Variants in DNAJA4 observed in about 807,000 individuals in gnomAD.
DNAJA4 encodes the protein DnaJ heat shock protein family (Hsp40) member A4, also known as dnaJ homolog subfamily A member 4.
In DNAJA4, 32 loss-of-function variants were observed where a neutral mutation model predicts 39.7. The ratio of observed to expected loss-of-function variants is 0.81; its 90% CI spans 0.61 to 1.08. DNAJA4 has a LOEUF of 1.08. DNAJA4 is among the 50% of genes least tolerant of loss of function. The pLI is 0.00. For missense variants in DNAJA4, 439 were observed against 505.1 expected (o/e 0.87, Z 1.25); for synonymous variants, 184 against 182.4 (o/e 1.01, Z -0.07).
At chr15:78,276,921 T>C (rs1169082322) in intron 5 of DNAJA4, among the ~76,000 whole-genome samples, 1 of 152,254 alleles carries the variant, frequency 6.6e-6, no homozygotes, top group East Asian at 1.9e-4. Flanking sequence ...CTTCCCAGCC[T>C]TGTGCTCTTT....
chr15:78,264,593 C>A lies in DNAJA4; in HGVS notation c.-171C>A. 8.7e-7 allele frequency: 1 copy of A among 1,152,642 alleles called. No homozygotes were observed. The highest frequency in any genetic ancestry group is 1.1e-6 in the Non-Finnish European group (1 of 938,218). The allele number at this position is 1,152,642 out of a possible 1,614,324, so 71.4% of individuals were successfully genotyped here. On this transcript the variant is annotated 5_prime_UTR_variant, in exon 1 of 7. Coordinates refer to ENST00000394852, the MANE Select transcript of DNAJA4 (RefSeq NM_001130182.2). ...GTGGAGCCAGGCGTGGAAGTCGGTC[C>A]GGCGCGGGGCGGGGGGCGGGCGGGA...
At chr15:78,267,185 TGTGTGTGA>T (rs1567115121) in intron 1 of DNAJA4, among the ~76,000 whole-genome samples, 1 of 102,516 alleles carries the variant, frequency 9.8e-6, no homozygotes, top group South Asian at 3.3e-4. Context: ...TGTGTGAGTG[TGTGTGTGA>T]GTGTGTATGT....
chr15:78,273,219 T>C lies in DNAJA4; in HGVS notation c.418+20T>C. ...GTGAAGGTAAAAATTAATTTTTGAC[T>C]GAACCGCACAGTTCTGATCCCTTAG... On this transcript the variant is annotated intron_variant, in intron 3 of 6. Transcript: ENST00000394852. The C allele has an allele frequency of 7.5e-7, 1 of 1,330,798 alleles. No homozygotes were observed. Among genetic ancestry groups the C allele is most frequent in the Non-Finnish European group, 1.1e-6 (1 of 921,128 alleles). The allele number at this position is 1,330,798 out of a possible 1,614,324, so 82.4% of individuals were successfully genotyped here.
Position 78,264,691 on chromosome 15 carries a change from C to A in DNAJA4, c.-73C>A. 1 of 1,225,946 alleles carries A rather than the reference C, an allele frequency of 8.2e-7. No individual in the cohort carries two copies. The highest frequency in any genetic ancestry group is 1.0e-6 in the Non-Finnish European group (1 of 963,612). The allele number at this position is 1,225,946 out of a possible 1,614,324, so 75.9% of individuals were successfully genotyped here. ...GGGCGGCGGGGGCGCGGGCCAGGGG[C>A]GCGGGCCAGGGTGCCGGCAGGGGCG... On this transcript the variant is annotated 5_prime_UTR_variant, in exon 1 of 7. Transcript: ENST00000394852.
In DNAJA4 at chr15:78,280,259, A is replaced by G; in HGVS notation, c.993A>G (p.Glu331=). 1 of 1,614,134 alleles carries G rather than the reference A, an allele frequency of 6.2e-7. No homozygotes were observed. The change falls in exon 7 of 7, where the codon GAA becomes GAG. Residue 331 remains glutamate, a synonymous_variant. Transcript: ENST00000394852. The stretch of plus-strand genomic sequence containing the variant: ...ACCCTTTACAGGTAATCTTTCCTGA[A>G]AAACACTGGCTTTCTCTGGAAAAGC... ...LIIQFLVIFP[E]KHWLSLEKLP... is the part of the protein sequence containing the mutation.
chr15:78,270,794 A>G (rs2049273448), intron 2 of DNAJA4, 117 bp downstream of exon 2: 6 of 1,153,538 alleles, frequency 5.2e-6, no homozygotes, highest in South Asian at 3.9e-5. Context: ...GCGGTGGTTC[A>G]TGTCTGTAAT....
intron 2 of DNAJA4, 150 bp from the exon 3 acceptor site, chr15:78,272,945 A>C (rs1028704435): frequency 3.1e-6 from 2 of 638,050 alleles, no homozygotes; most frequent in Middle Eastern, 4.4e-4. Flanking sequence ...GGGGTAATAG[A>C]AGCATTGCTT....
chr15:78,264,862 C>T lies in DNAJA4; in HGVS notation c.99C>T (p.Tyr33=), dbSNP rs762774878. Residue 33 remains tyrosine (Y), a synonymous_variant, in exon 1 of 7, where the codon TAC becomes TAT. Transcript: ENST00000394852. ...KKAYRKLALK[Y]HPDKNPDEGE... ...CCTATCGGAAGCTGGCGCTCAAGTACCACCCGGACAAGAACCCGGATGAGG... is the reference window on the plus strand; with the variant it reads ...CCTATCGGAAGCTGGCGCTCAAGTATCACCCGGACAAGAACCCGGATGAGG... 2.5e-6 allele frequency: 4 copies of T among 1,607,298 alleles called. No individual in the cohort carries two copies. Among genetic ancestry groups the T allele is most frequent in the Admixed American group, 3.4e-5 (2 of 59,552 alleles).
intron 5 of DNAJA4, among the ~76,000 whole-genome samples, chr15:78,278,608 TTCATAAATG>T (rs1263862335): frequency 5.9e-5 from 9 of 152,216 alleles, no homozygotes; most frequent in Non-Finnish European, 1.3e-4. Flanking sequence ...TGCAACCATC[TTCATAAATG>T]TTGTTGACTG....
At chr15:78,264,254 CGGCGGGA>C, upstream of DNAJA4, 1 of 1,178,932 alleles carries the variant, frequency 8.5e-7, no homozygotes, top group Non-Finnish European at 1.1e-6. Flanking sequence ...GGCCTCGGGG[CGGCGGGA>C]CAGTTGTCGG....
intron 1 of DNAJA4, chr15:78,265,677 A>C: frequency 1.4e-6 from 1 of 701,842 alleles, no homozygotes; most frequent in Non-Finnish European, 2.6e-6. Context: ...GACCCACCTG[A>C]ATAGGTGAAT....
At position 78,275,715 on chromosome 15, in the gene DNAJA4, T is replaced by TA; in HGVS notation, c.865dup (p.Thr289AsnfsTer6). The TA allele has an allele frequency of 6.2e-7, 1 of 1,607,766 alleles. No individual in the cohort carries two copies. The highest frequency in any genetic ancestry group is 2.2e-5 in the East Asian group (1 of 44,828). On this transcript the variant is annotated frameshift_variant, in exon 5 of 7. Transcript: ENST00000394852. LOFTEE classifies it high-confidence loss of function. ...CATTGGACAATCGAATTCTTGTTATTACATCCAAAGCAGGTAATGTTTCAA... is the reference window on the plus strand; with the variant it reads ...CATTGGACAATCGAATTCTTGTTATTAACATCCAAAGCAGGTAATGTTTCAA...
chr15:78,266,172 G>A (rs1567114572), intron 1 of DNAJA4: 9 of 1,566,466 alleles, frequency 5.7e-6, no homozygotes, highest in South Asian at 1.1e-5. Context: ...ATTGTGGTCC[G>A]CTTCTGACAG....
Position 78,264,628 on chromosome 15 carries a change from G to C in DNAJA4, c.-136G>C. 1.0e-6 allele frequency: 1 copy of C among 992,640 alleles called. No homozygotes were observed. Among genetic ancestry groups the C allele is most frequent in the Non-Finnish European group, 1.2e-6 (1 of 829,294 alleles). The allele number at this position is 992,640 out of a possible 1,614,324, so 61.5% of individuals were successfully genotyped here. On this transcript the variant is annotated 5_prime_UTR_variant, in exon 1 of 7. Coordinates refer to ENST00000394852, the MANE Select transcript of DNAJA4 (RefSeq NM_001130182.2). ...CGGGGGGCGGGCGGGAGCTACAAGC[G>C]GCGGCGGCGGCGGCGACCGTGACCG...
intron 1 of DNAJA4, 45 bp downstream of exon 1, chr15:78,264,940 G>C: frequency 1.3e-6 from 2 of 1,521,630 alleles, no homozygotes; most frequent in Middle Eastern, 3.4e-4. Context: ...GAGGGGCCAA[G>C]GGTTATTAAG....
intron 2 of DNAJA4, 23 bp from the exon 3 acceptor site, chr15:78,273,072 A>G (rs11629630): frequency 0.18 from 247,178 of 1,365,230 alleles, 23,383 homozygotes; most frequent in Admixed American, 0.32. Flanking sequence ...CAACGCCACT[A>G]ATTTTTTTTC....
chr15:78,265,479 AG>A (rs1567114282), intron 1 of DNAJA4: 2 of 702,362 alleles, frequency 2.8e-6, no homozygotes, highest in African/African-American at 3.5e-5. Context: ...TTTATTAAAC[AG>A]GGACACGGAC....
chr15:78,275,488 T>A lies in DNAJA4; in HGVS notation c.647-10T>A, dbSNP rs1198061046. On this transcript the variant is annotated splice_polypyrimidine_tract_variant and intron_variant, in intron 4 of 6. Coordinates refer to ENST00000394852, the MANE Select transcript of DNAJA4 (RefSeq NM_001130182.2). The stretch of plus-strand genomic sequence containing the variant: ...GAAATGGCTAATCAGAAAGGGATGA[T>A]GTTTCATAGGTATGAAAGATGGGCA... 2 of 1,602,904 alleles carry A rather than the reference T, an allele frequency of 1.2e-6. No homozygotes were observed. The highest frequency in any genetic ancestry group is 1.7e-6 in the Non-Finnish European group (2 of 1,170,414).
intron 5 of DNAJA4, among the ~76,000 whole-genome samples, chr15:78,276,660 A>G (rs1039516322): frequency 2.6e-5 from 4 of 152,364 alleles, no homozygotes; most frequent in East Asian, 1.9e-4. Flanking sequence ...CCTGGGCCCC[A>G]GCACCAGCCA....
Sources: allele counts gnomAD v4.1 joint callset (sites outside exome capture counted in the v4.1 genomes callset), GRCh38; gene constraint gnomAD v4.1.1; transcripts MANE v1.5; gene names NCBI Gene and HGNC (gene_info 2026-07-23, HGNC 2026-07-21).